CAMTA1: variants seen among roughly 807,000 people sequenced by gnomAD.
The protein encoded by CAMTA1 is calmodulin-binding transcription activator 1.
CAMTA1 carries 27 observed loss-of-function variants against 170.9 expected under a neutral mutation model. That is an observed-to-expected ratio of 0.16 (90% CI 0.12 to 0.22). The LOEUF (loss-of-function observed/expected upper bound fraction) is 0.22. Ranked by LOEUF, CAMTA1 falls within the 10% of genes least tolerant of loss-of-function variation. The pLI is 1.00. For synonymous variants in CAMTA1, 833 were observed against 891.5 expected (o/e 0.93, Z 1.17); for missense variants, 1,619 against 2,217.2 (o/e 0.73, Z 5.42).
intron 11 of CAMTA1, among the ~76,000 whole-genome samples, chr1:7,716,986 T>C (rs1014426677): frequency 2.0e-5 from 3 of 152,188 alleles, no homozygotes; most frequent in African/African-American, 4.8e-5. Context: ...GAGCTGAATA[T>C]GGACAGCATT....
chr1:7,663,455 T>C lies in CAMTA1; in HGVS notation c.908T>C (p.Val303Ala). Reference protein sequence around the residue: ...RTGGYGSHSEVQHNDVSEGKH... With the variant: ...RTGGYGSHSEAQHNDVSEGKH... The stretch of plus-strand genomic sequence containing the variant: ...GGGGGGTACGGGAGCCACTCGGAGG[T>C]GCAGCACAATGACGTGTCGGAGGGC... Residue 303 changes from valine to alanine, a missense_variant, in exon 9 of 23, where the codon GTG becomes GCG. Transcript: ENST00000303635. 1 of 1,588,482 alleles carries C rather than the reference T, an allele frequency of 6.3e-7. No individual in the cohort carries two copies. The highest frequency in any genetic ancestry group is 1.7e-5 in the Admixed American group (1 of 59,060).
At chr1:7,657,228 C>G (rs575527266) in intron 7 of CAMTA1, among the ~76,000 whole-genome samples, 19 of 152,308 alleles carry the variant, frequency 1.2e-4, no homozygotes, top group African/African-American at 4.3e-4. Flanking sequence ...CTTCCCCTGA[C>G]CCAGCCTTCC....
chr1:7,254,482 G>T (rs1019656355), intron 5 of CAMTA1, among the ~76,000 whole-genome samples: 2 of 152,206 alleles, frequency 1.3e-5, no homozygotes, highest in African/African-American at 4.8e-5. Flanking sequence ...GATGTGAAGA[G>T]AACACACAGT....
intron 3 of CAMTA1, among the ~76,000 whole-genome samples, chr1:6,975,775 G>T (rs1693314770): frequency 6.6e-6 from 1 of 152,110 alleles, no homozygotes; most frequent in South Asian, 2.1e-4. Context: ...GCCCCAAAAG[G>T]AAGCCTTGTA....
chr1:7,420,285 A>G (rs115953234), intron 5 of CAMTA1, among the ~76,000 whole-genome samples: 24,521 of 151,956 alleles, frequency 0.16, 2,804 homozygotes, highest in East Asian at 0.49. Flanking sequence ...CCATCACCCC[A>G]GCGGAGAGAC....
chr1:7,638,406 C>T (rs1402920075), intron 6 of CAMTA1, among the ~76,000 whole-genome samples: 2 of 152,104 alleles, frequency 1.3e-5, no homozygotes, highest in Non-Finnish European at 2.9e-5. Flanking sequence ...TTTGGGAGGC[C>T]GAGGAAGGCA....
chr1:6,794,659 A>C (rs1211537120), intron 1 of CAMTA1, among the ~76,000 whole-genome samples: 1 of 152,200 alleles, frequency 6.6e-6, no homozygotes, highest in Non-Finnish European at 1.5e-5. Context: ...CCTGGGAAAC[A>C]TTAGACATCT....
At chr1:7,342,825 C>T (rs2083934404) in intron 5 of CAMTA1, among the ~76,000 whole-genome samples, 1 of 152,170 alleles carries the variant, frequency 6.6e-6, no homozygotes, top group South Asian at 2.1e-4. Context: ...TCTGGCTGGC[C>T]AGTGGGCAAA....
At chr1:7,103,605 A>G (rs1418776397) in intron 4 of CAMTA1, among the ~76,000 whole-genome samples, 1 of 122,858 alleles carries the variant, frequency 8.1e-6, no homozygotes, top group Non-Finnish European at 1.7e-5. Flanking sequence ...ACACATGTAC[A>G]CAACTACACA....
At chr1:7,142,430 C>T (rs1339583915) in intron 4 of CAMTA1, among the ~76,000 whole-genome samples, 1 of 152,180 alleles carries the variant, frequency 6.6e-6, no homozygotes, top group South Asian at 2.1e-4. Flanking sequence ...TGATGATGGG[C>T]AGGTGATGTC....
intron 4 of CAMTA1, among the ~76,000 whole-genome samples, chr1:7,155,358 C>A (rs139413957): frequency 7.0e-6 from 1 of 142,408 alleles, no homozygotes; most frequent in African/African-American, 2.7e-5. Flanking sequence ...GGAGGGAGGT[C>A]GAGATCCCAG....
At chr1:7,525,993 T>C (rs1367798315) in intron 6 of CAMTA1, among the ~76,000 whole-genome samples, 1 of 151,796 alleles carries the variant, frequency 6.6e-6, no homozygotes, top group Admixed American at 6.6e-5. Context: ...GGGTACAAAT[T>C]TAAGGTGGTA....
chr1:7,100,859 T>C (rs924670113), intron 4 of CAMTA1, among the ~76,000 whole-genome samples: 1 of 152,170 alleles, frequency 6.6e-6, no homozygotes, highest in Non-Finnish European at 1.5e-5. Flanking sequence ...ATGGCTTTTA[T>C]TTTTACATGG....
intron 4 of CAMTA1, among the ~76,000 whole-genome samples, chr1:7,205,951 T>C (rs1182864662): frequency 1.3e-5 from 2 of 152,224 alleles, no homozygotes; most frequent in Non-Finnish European, 2.9e-5. Flanking sequence ...TCCAGCAGCA[T>C]TTATTTAAAA....
chr1:6,929,357 T>G (rs938125666), intron 3 of CAMTA1, among the ~76,000 whole-genome samples: 10 of 150,324 alleles, frequency 6.7e-5, no homozygotes, highest in Non-Finnish European at 1.5e-4. Flanking sequence ...TTTTTTTTTT[T>G]TTGTTTGTTT....
intron 6 of CAMTA1, among the ~76,000 whole-genome samples, chr1:7,589,643 G>A (rs887135861): frequency 6.6e-6 from 1 of 152,204 alleles, no homozygotes; most frequent in Non-Finnish European, 1.5e-5. Context: ...AATCCTGCAA[G>A]GTTTGCTCCA....
At chr1:7,670,572 G>T (rs576637908) in intron 9 of CAMTA1, among the ~76,000 whole-genome samples, 6 of 152,320 alleles carry the variant, frequency 3.9e-5, no homozygotes, top group South Asian at 2.1e-4. Flanking sequence ...TTTCTCAGGG[G>T]CATCGTAGGC....
intron 6 of CAMTA1, among the ~76,000 whole-genome samples, chr1:7,621,549 G>A (rs2095598329): frequency 1.3e-5 from 2 of 152,218 alleles, no homozygotes; most frequent in South Asian, 4.1e-4. Flanking sequence ...GTGCAGCTCG[G>A]TAGAGGTACT....
At chr1:6,793,206 A>G (rs1370063435) in intron 1 of CAMTA1, among the ~76,000 whole-genome samples, 3 of 152,210 alleles carry the variant, frequency 2.0e-5, no homozygotes, top group Non-Finnish European at 4.4e-5. Flanking sequence ...GGACAGGTGC[A>G]TAAGCAGATA....
Sources: gnomAD v4.1 joint callset for allele counts (sites outside exome capture counted in the v4.1 genomes callset) on GRCh38, gnomAD v4.1.1 for gene constraint, MANE v1.5 for transcripts, NCBI Gene and HGNC (gene_info 2026-07-23, HGNC 2026-07-21) for gene names.